SCOC: variants seen among roughly 807,000 people sequenced by gnomAD.
SCOC encodes short coiled coil protein.
Under a neutral mutation model 9.9 loss-of-function variants are expected in SCOC, and 7 were observed. The observed-to-expected ratio is 0.71, with a 90% CI of 0.40 to 1.33. The LOEUF is 1.33. Among genes scored for constraint, SCOC ranks in the 40% most tolerant of loss-of-function variants. The probability of loss-of-function intolerance (pLI) is 0.01; values close to 1 mark genes in which losing one functional copy is unlikely to be tolerated. For synonymous variants in SCOC, 19 were observed against 28.2 expected (o/e 0.67, Z 1.03); for missense variants, 66 against 89.7 (o/e 0.74, Z 1.07).
intron 2 of SCOC, among the ~76,000 whole-genome samples, chr4:140,362,303 T>TCTTCTTCTTCTTCTTCTTCTTC (rs1253683051): frequency 0.048 from 2,113 of 44,264 alleles, 207 homozygotes; most frequent in East Asian, 0.078. Context: ...CTTCTTCTTT[T>TCTTCTTCTTCTTCTTCTTCTTC]TTTTTTTTTT....
At chr4:140,373,899 C>T (rs758202100) in intron 1 of SCOC, 182 bp downstream of exon 1, 23 of 724,906 alleles carry the variant, frequency 3.2e-5, no homozygotes, top group Non-Finnish European at 4.9e-5. Flanking sequence ...CCGGCAGAAC[C>T]CTTGCGCGAC....
chr4:140,333,449 C>A (rs976409751), intron 1 of SCOC, among the ~76,000 whole-genome samples: 6 of 151,980 alleles, frequency 3.9e-5, no homozygotes, highest in African/African-American at 1.5e-4. Context: ...TCATTGTCTG[C>A]CTTCTCCACC....
At chr4:140,327,070 C>G (rs1732670349) in intron 1 of SCOC, among the ~76,000 whole-genome samples, 1 of 152,216 alleles carries the variant, frequency 6.6e-6, no homozygotes, top group Admixed American at 6.5e-5. Flanking sequence ...TCAGCACCAT[C>G]AAAACTACTA....
chr4:140,305,739 G>C (rs1448364542), intron 1 of SCOC, among the ~76,000 whole-genome samples: 1 of 152,138 alleles, frequency 6.6e-6, no homozygotes, highest in Non-Finnish European at 1.5e-5. Context: ...CTGCAATTGG[G>C]AGCTCACGAA....
chr4:140,265,302 C>T (rs867249370), intron 1 of SCOC, among the ~76,000 whole-genome samples: 1 of 152,202 alleles, frequency 6.6e-6, no homozygotes, highest in African/African-American at 2.4e-5. Context: ...AAGGGTATTT[C>T]ACTTGCTCTC....
chr4:140,260,966 C>T (rs1402064890), intron 1 of SCOC, among the ~76,000 whole-genome samples: 1 of 152,122 alleles, frequency 6.6e-6, no homozygotes, highest in Non-Finnish European at 1.5e-5. Flanking sequence ...TTTTTAGCCT[C>T]ATGTATATTA....
chr4:140,344,637 G>C (rs567901479), intron 2 of SCOC, among the ~76,000 whole-genome samples: 2 of 152,108 alleles, frequency 1.3e-5, no homozygotes, highest in African/African-American at 4.8e-5. Flanking sequence ...TCAAAGAGGA[G>C]TATTTTCAGT....
rs1728635436 is a variant in SCOC at position 140,383,880 on chromosome 4, T to C, written c.*2776T>C. The C allele has an allele frequency of 6.6e-6, 1 of 152,234 alleles. No homozygotes were observed. The highest frequency in any genetic ancestry group is 1.5e-5 in the Non-Finnish European group (1 of 68,040). The allele number at this position is 152,234 out of a possible 1,614,324, so 9.4% of individuals were successfully genotyped here. A position where few individuals can be genotyped will look rare whatever the true frequency, so the allele number is the denominator to read the frequency against. On this transcript the variant is annotated 3_prime_UTR_variant, in exon 4 of 4. Transcript: ENST00000608372. ...ATGTATTATTTTTGCCTTTCTTTAA[T>C]GGAGGCTATCTTGAGATCAACTAAA...
At chr4:140,361,497 C>G (rs1440351419) in intron 2 of SCOC, among the ~76,000 whole-genome samples, 1 of 152,018 alleles carries the variant, frequency 6.6e-6, no homozygotes, top group Non-Finnish European at 1.5e-5. Context: ...GACCTCATCT[C>G]TACAAGAAAT....
chr4:140,277,940 T>A (rs1371931079), intron 1 of SCOC, among the ~76,000 whole-genome samples: 2 of 152,174 alleles, frequency 1.3e-5, no homozygotes, highest in African/African-American at 4.8e-5. Flanking sequence ...GTGGCAAAAC[T>A]TCTAGCAAAA....
At chr4:140,278,173 A>G (rs1301981984) in intron 1 of SCOC, among the ~76,000 whole-genome samples, 1 of 152,226 alleles carries the variant, frequency 6.6e-6, no homozygotes, top group Non-Finnish European at 1.5e-5. Context: ...GAGGCTGGGA[A>G]GTCCAAGATC....
chr4:140,379,119 A>G lies in SCOC; in HGVS notation c.-50-2A>G. ...TATATTTCTGAATTTTTCTTATTGTAGACCATTCCTCAAGAATTTTGTATC... is the reference window on the plus strand; with the variant it reads ...TATATTTCTGAATTTTTCTTATTGTGGACCATTCCTCAAGAATTTTGTATC... On this transcript the variant is annotated splice_acceptor_variant, in intron 1 of 3. Transcript: ENST00000608372. LOFTEE classifies it low-confidence loss of function (5UTR_SPLICE). The G allele has an allele frequency of 6.3e-7, 1 of 1,577,736 alleles. No homozygotes were observed. The highest frequency in any genetic ancestry group is 8.7e-7 in the Non-Finnish European group (1 of 1,146,990).
At chr4:140,373,337 A>G, upstream of SCOC, 2 of 1,416,930 alleles carry the variant, frequency 1.4e-6, no homozygotes. Context: ...TCTCACTCCA[A>G]TTCTCAGGTT....
intron 1 of SCOC, among the ~76,000 whole-genome samples, chr4:140,298,474 C>T (rs1427409996): frequency 6.6e-6 from 1 of 152,206 alleles, no homozygotes; most frequent in East Asian, 1.9e-4. Flanking sequence ...AATGCAAGTT[C>T]CTTCCTTCTG....
At chr4:140,338,386 C>A (rs2126503919) in intron 1 of SCOC, among the ~76,000 whole-genome samples, 1 of 152,300 alleles carries the variant, frequency 6.6e-6, no homozygotes, top group Middle Eastern at 3.4e-3. Context: ...TGAAACCTGG[C>A]ACAAGACAGG....
intron 2 of SCOC, among the ~76,000 whole-genome samples, chr4:140,357,627 G>A (rs1203528634): frequency 6.6e-6 from 1 of 152,164 alleles, no homozygotes; most frequent in Non-Finnish European, 1.5e-5. Context: ...GAGATAAGGT[G>A]TTTATAAACC....
At chr4:140,266,240 G>A (rs1003603724) in intron 1 of SCOC, among the ~76,000 whole-genome samples, 11 of 152,198 alleles carry the variant, frequency 7.2e-5, no homozygotes, top group Admixed American at 7.2e-4. Context: ...CCATGGGGAA[G>A]ATGGCAAGTA....
intron 1 of SCOC, among the ~76,000 whole-genome samples, chr4:140,328,821 C>A (rs1732726779): frequency 6.6e-6 from 1 of 152,188 alleles, no homozygotes; most frequent in South Asian, 2.1e-4. Context: ...TGGCATCTCC[C>A]AACCTACTGC....
At chr4:140,283,848 A>G (rs1313005442) in intron 1 of SCOC, 1 of 152,212 alleles carries the variant, frequency 6.6e-6, no homozygotes, top group Non-Finnish European at 1.5e-5. Flanking sequence ...ATCCTCACCC[A>G]TAACAAGGAG....
Sources: gnomAD v4.1 joint callset for allele counts (sites outside exome capture counted in the v4.1 genomes callset) on GRCh38, gnomAD v4.1.1 for gene constraint, MANE v1.5 for transcripts, NCBI Gene and HGNC (gene_info 2026-07-23, HGNC 2026-07-21) for gene names.